Variants in MECOM observed in about 807,000 individuals in gnomAD.
MECOM encodes the protein histone-lysine N-methyltransferase MECOM.
In MECOM, 13 loss-of-function variants were observed where a neutral mutation model predicts 116.3. The ratio of observed to expected loss-of-function variants is 0.11; its 90% CI spans 0.07 to 0.18. The LOEUF (loss-of-function observed/expected upper bound fraction) is 0.18, where lower values mean the gene tolerates loss of function less well. Ranked by LOEUF, MECOM falls within the 10% of genes least tolerant of loss-of-function variation. MECOM has a pLI of 1.00. For synonymous variants in MECOM, 528 were observed against 535.2 expected, an observed-to-expected ratio of 0.99 and a Z score of 0.19; for missense variants, 1,299 against 1,509.0, an observed-to-expected ratio of 0.86 and a Z score of 2.31.
intron 1 of MECOM, among the ~76,000 whole-genome samples, chr3:169,640,227 T>C (rs1773296376): frequency 1.3e-5 from 2 of 152,178 alleles, no homozygotes; most frequent in Admixed American, 6.5e-5. Flanking sequence ...AAATCCTAAA[T>C]TACCTACTGA....
chr3:169,411,677 C>G (rs1165359383), intron 1 of MECOM, among the ~76,000 whole-genome samples: 1 of 152,236 alleles, frequency 6.6e-6, no homozygotes, highest in African/African-American at 2.4e-5. Context: ...GCCATCCACA[C>G]CTTACATAAA....
rs138931549 is a variant in MECOM, at chr3:169,493,597, C to A, written c.38-112073G>T. On this transcript the variant is annotated intron_variant, in intron 1 of 16. Transcript: ENST00000651503. The stretch of plus-strand genomic sequence containing the variant: ...TATACATATATATATATATTTCACA[C>A]ATACACTGGGTGTATATTTATATAC... 3.7e-3 allele frequency among the ~76,000 whole-genome samples: 558 copies of A among 152,122 alleles called. 1 individual carries two copies. Among genetic ancestry groups the A allele is most frequent in the Non-Finnish European group, 5.6e-3 (378 of 67,986 alleles).
intron 1 of MECOM, among the ~76,000 whole-genome samples, chr3:169,591,125 C>T (rs1766352671): frequency 1.3e-5 from 2 of 152,160 alleles, no homozygotes; most frequent in Admixed American, 1.3e-4. Flanking sequence ...ACATGGAACA[C>T]TACCTCATCG....
intron 1 of MECOM, among the ~76,000 whole-genome samples, chr3:169,575,052 G>C (rs1764328704): frequency 6.6e-6 from 1 of 152,064 alleles, no homozygotes; most frequent in Admixed American, 6.6e-5. Context: ...GAAAAGAACA[G>C]ACCCTTCTTA....
intron 2 of MECOM, among the ~76,000 whole-genome samples, chr3:169,302,707 T>C (rs1716960286): frequency 1.3e-5 from 2 of 151,740 alleles, no homozygotes; most frequent in African/African-American, 2.4e-5. Flanking sequence ...CTACTAAAAA[T>C]ACAAAAATTA....
chr3:169,191,959 A>G (rs918923726), intron 2 of MECOM, among the ~76,000 whole-genome samples: 1 of 152,028 alleles, frequency 6.6e-6, no homozygotes, highest in African/African-American at 2.4e-5. Context: ...TGAACAGAGA[A>G]TAGAGTGGGT....
At chr3:169,270,380 T>A (rs1758790277) in intron 2 of MECOM, among the ~76,000 whole-genome samples, 1 of 152,078 alleles carries the variant, frequency 6.6e-6, no homozygotes, top group Non-Finnish European at 1.5e-5. Flanking sequence ...TATATCTATA[T>A]CTGTATCTAT....
At chr3:169,619,865 A>G (rs1770489195) in intron 1 of MECOM, among the ~76,000 whole-genome samples, 1 of 152,210 alleles carries the variant, frequency 6.6e-6, no homozygotes, top group Non-Finnish European at 1.5e-5. Context: ...AAACGTGCAG[A>G]GGCTGAGAAC....
At chr3:169,428,112 A>G (rs967844053) in intron 1 of MECOM, among the ~76,000 whole-genome samples, 4 of 152,156 alleles carry the variant, frequency 2.6e-5, no homozygotes, top group African/African-American at 7.2e-5. Flanking sequence ...CCCGAGAGGC[A>G]GAAGTTGCTG....
In MECOM at chr3:169,416,592, G is replaced by GT. The variant is rs1049810733; in HGVS notation, c.38-35069dup. The stretch of plus-strand genomic sequence containing the variant: ...AAAAAAATCAATGAATCCAGGAGCT[G>GT]TTTTTTTTTAAAAAAGGATGAACAA... On this transcript the variant is annotated intron_variant, in intron 1 of 16. Coordinates refer to ENST00000651503, the MANE Select transcript of MECOM (RefSeq NM_004991.4). Among the ~76,000 whole-genome samples, 252 of 150,918 alleles carry GT rather than the reference G, an allele frequency of 1.7e-3. 2 individuals are homozygous for GT. The highest frequency in any genetic ancestry group is 5.0e-4 in the Non-Finnish European group (34 of 67,666).
chr3:169,256,323 A>AT (rs1335977583), intron 2 of MECOM, among the ~76,000 whole-genome samples: 2 of 150,736 alleles, frequency 1.3e-5, no homozygotes, highest in Admixed American at 6.6e-5. Context: ...ATATATTACC[A>AT]TTTTTTCCAA....
chr3:169,623,073 T>C (rs1770945084), intron 1 of MECOM, among the ~76,000 whole-genome samples: 1 of 152,192 alleles, frequency 6.6e-6, no homozygotes, highest in African/African-American at 2.4e-5. Context: ...TTGAGATTTG[T>C]CAAGTCACAA....
intron 2 of MECOM, among the ~76,000 whole-genome samples, chr3:169,253,880 T>G (rs550584881): frequency 6.2e-4 from 94 of 152,256 alleles, no homozygotes; most frequent in South Asian, 1.5e-3. Flanking sequence ...TTGAAGTGGG[T>G]GCTCATTTCA....
At chr3:169,507,496 A>C (rs1755380149) in intron 1 of MECOM, among the ~76,000 whole-genome samples, 1 of 151,954 alleles carries the variant, frequency 6.6e-6, no homozygotes, top group South Asian at 2.1e-4. Context: ...TGACTTTTCC[A>C]AATTAAGGTG....
rs562572669 is a variant in MECOM at position 169,103,725 on chromosome 3, A to G, written c.2605-1499T>C. 3.9e-5 allele frequency among the ~76,000 whole-genome samples: 6 copies of G among 152,304 alleles called. No individual in the cohort carries two copies. In the East Asian group the frequency reaches 1.2e-3, roughly 29 times the overall value. On this transcript the variant is annotated intron_variant, in intron 10 of 16. Coordinates refer to ENST00000651503, the MANE Select transcript of MECOM (RefSeq NM_004991.4). ...TCAGAAGGAAAAATTAACAAGACAT[A>G]TATTCTGTGGACACACAGCTGGACA...
chr3:169,566,441 G>A (rs1763252948), intron 1 of MECOM, among the ~76,000 whole-genome samples: 1 of 152,142 alleles, frequency 6.6e-6, no homozygotes, highest in Non-Finnish European at 1.5e-5. Context: ...TGCAGATCAG[G>A]CTGGTTTTAA....
intron 1 of MECOM, among the ~76,000 whole-genome samples, chr3:169,389,973 C>A (rs1176691703): frequency 6.6e-6 from 1 of 152,090 alleles, no homozygotes; most frequent in Admixed American, 6.5e-5. Context: ...TTTACAACTC[C>A]CATATGGGTC....
intron 2 of MECOM, among the ~76,000 whole-genome samples, chr3:169,378,832 C>T (rs1281673565): frequency 1.1e-4 from 16 of 152,150 alleles, no homozygotes; most frequent in South Asian, 8.3e-4. Context: ...ATTAGGGGAA[C>T]ATTTAATGCA....
intron 2 of MECOM, among the ~76,000 whole-genome samples, chr3:169,178,474 C>T (rs1343716613): frequency 6.6e-6 from 1 of 152,108 alleles, no homozygotes; most frequent in Admixed American, 6.6e-5. Flanking sequence ...TACCATGTTC[C>T]AGTGGTTTCT....
Sources: allele counts gnomAD v4.1 joint callset (sites outside exome capture counted in the v4.1 genomes callset), GRCh38; gene constraint gnomAD v4.1.1; transcripts MANE v1.5; gene names NCBI Gene and HGNC (gene_info 2026-07-23, HGNC 2026-07-21).